Variants in XG observed in about 807,000 individuals in gnomAD.
The protein encoded by XG is Xg glycoprotein (Xg blood group), also known as glycoprotein Xg.
Under a neutral mutation model 25.7 loss-of-function variants are expected in XG, and 24 were observed. The observed-to-expected ratio is 0.93, with a 90% confidence interval of 0.68 to 1.31. The LOEUF (loss-of-function observed/expected upper bound fraction) is 1.31. Ranked by LOEUF, XG falls within the 40% of genes most tolerant of loss-of-function variation. The pLI is 0.00. For synonymous variants in XG, 77 were observed against 69.2 expected (o/e 1.11, Z -0.56); for missense variants, 181 against 187.6 (o/e 0.96, Z 0.21).
intron 5 of XG, 25 bp from the exon 6 acceptor site, chrX:2,794,510 C>T (rs2086865187): frequency 9.1e-6 from 11 of 1,206,522 alleles, no homozygotes; most frequent in Non-Finnish European, 1.2e-5. Context: ...GTCTCATGAG[C>T]AATGCCGCGT....
At chrX:2,772,846 C>G (rs781187806) in intron 2 of XG, among the ~76,000 whole-genome samples, 1 of 152,142 alleles carries the variant, frequency 6.6e-6, no homozygotes, top group Non-Finnish European at 1.5e-5. Context: ...CTACCAAGAG[C>G]CCCCCATGAA....
intron 1 of XG, among the ~76,000 whole-genome samples, chrX:2,766,431 A>T (rs765116634): frequency 1.4e-4 from 21 of 146,296 alleles, no homozygotes; most frequent in Non-Finnish European, 3.0e-4. Flanking sequence ...GAGCCACCGC[A>T]CCCGGCCTCT....
At chrX:2,765,042 A>G (rs1395112674) in intron 1 of XG, among the ~76,000 whole-genome samples, 5 of 6,642 alleles carry the variant, frequency 7.5e-4, no homozygotes, top group East Asian at 7.4e-3. Flanking sequence ...TTCTTTATCC[A>G]AAAAAAAAAA....
chrX:2,794,678 G>A, intron 6 of XG, 75 bp downstream of exon 6: 1 of 1,102,736 alleles, frequency 9.1e-7, no homozygotes, highest in Non-Finnish European at 1.2e-6. Context: ...CTGAAGTTGG[G>A]GATGAGAGAG....
chrX:2,790,930 C>A (rs2086831621), intron 5 of XG, among the ~76,000 whole-genome samples: 1 of 107,583 alleles, frequency 9.3e-6, no homozygotes, highest in African/African-American at 3.3e-5. Flanking sequence ...GTTCTACTAT[C>A]CACCAGCACC....
intron 6 of XG, among the ~76,000 whole-genome samples, chrX:2,795,815 G>A (rs1267000179): frequency 9.1e-6 from 1 of 109,863 alleles, no homozygotes; most frequent in Non-Finnish European, 1.9e-5. Flanking sequence ...CTGCCAGCAC[G>A]CCTGGCTAAC....
chrX:2,769,628 G>A (rs2050770502), intron 1 of XG, among the ~76,000 whole-genome samples: 1 of 152,152 alleles, frequency 6.6e-6, no homozygotes, highest in Non-Finnish European at 1.5e-5. Flanking sequence ...TGAGGAACAA[G>A]ATCAAGGTGT....
At chrX:2,765,257 G>C (rs311134) in intron 1 of XG, among the ~76,000 whole-genome samples, 6 of 150,152 alleles carry the variant, frequency 4.0e-5, no homozygotes, top group Non-Finnish European at 8.9e-5. Context: ...TGAGGCAGGC[G>C]GGAGAATCAA....
chrX:2,811,525 C>G, intron 10 of XG, 73 bp downstream of exon 10: 1 of 750,166 alleles, frequency 1.3e-6, no homozygotes, highest in East Asian at 3.5e-5. Context: ...TTTCAGATGT[C>G]TGTCACTAGC....
At chrX:2,768,454 C>G (rs1163212450) in intron 1 of XG, among the ~76,000 whole-genome samples, 1 of 152,162 alleles carries the variant, frequency 6.6e-6, no homozygotes, top group Non-Finnish European at 1.5e-5. Flanking sequence ...GTCTGAGCAG[C>G]TTGGACCATG....
intron 1 of XG, among the ~76,000 whole-genome samples, chrX:2,765,796 C>CATT (rs111895994): frequency 0.13 from 20,264 of 152,140 alleles, 1,448 homozygotes; most frequent in African/African-American, 0.19. Flanking sequence ...CTCGACATTG[C>CATT]ATTATTATTC....
chrX:2,794,721 C>A, intron 6 of XG, 118 bp downstream of exon 6: 3 of 840,872 alleles, frequency 3.6e-6, no homozygotes, highest in Non-Finnish European at 5.0e-6. Flanking sequence ...GACGAGCAGA[C>A]GATAAGCTGG....
intron 9 of XG, among the ~76,000 whole-genome samples, chrX:2,809,869 G>A (rs1357859203): frequency 8.9e-6 from 1 of 112,134 alleles, no homozygotes; most frequent in Non-Finnish European, 1.9e-5. Context: ...ACCAGACAGG[G>A]TACCAAGAGC....
intron 1 of XG, among the ~76,000 whole-genome samples, chrX:2,754,062 A>T (rs1234185722): frequency 6.6e-6 from 1 of 152,144 alleles, no homozygotes. Context: ...TAGTTGTATT[A>T]AATGCACTTA....
chrX:2,796,021 T>G (rs2086882383), intron 6 of XG, among the ~76,000 whole-genome samples: 1 of 105,942 alleles, frequency 9.4e-6, no homozygotes, highest in African/African-American at 3.6e-5. Flanking sequence ...CATGTACATT[T>G]TATATACATT....
chrX:2,798,369 CTTTTTTTTT>C (rs748928232), intron 7 of XG, among the ~76,000 whole-genome samples: 1 of 83,866 alleles, frequency 1.2e-5, no homozygotes, highest in African/African-American at 4.7e-5. Context: ...ACCATCTTTT[CTTTTTTTTT>C]TTTTTTTTTT....
chrX:2,752,264 T>C lies in XG; in HGVS notation c.-11T>C, dbSNP rs1236951748. The C allele has an allele frequency of 6.2e-7, 1 of 1,613,824 alleles. No homozygotes were observed. Among genetic ancestry groups the C allele is most frequent in the East Asian group, 2.2e-5 (1 of 44,888 alleles). On this transcript the variant is annotated 5_prime_UTR_variant, in exon 1 of 11. Coordinates refer to ENST00000644266, the MANE Select transcript of XG (RefSeq NM_001141919.2). ...GGAGTCCACTGAGGTTCTTGCATCC[T>C]GAAGCAAACCATGGAGAGCTGGTGG... is the stretch of plus-strand genomic sequence containing the variant.
At chrX:2,775,948 T>G in intron 3 of XG, among the ~76,000 whole-genome samples, 2 of 115,380 alleles carry the variant, frequency 1.7e-5, no homozygotes, top group African/African-American at 3.6e-5. Flanking sequence ...AGAGTGAGAT[T>G]CCGTCTCAAA....
chrX:2,755,094 C>A (rs1382700597), intron 1 of XG, among the ~76,000 whole-genome samples: 2 of 152,150 alleles, frequency 1.3e-5, no homozygotes, highest in Non-Finnish European at 2.9e-5. Flanking sequence ...AAATCAGAAT[C>A]ATCCCTCCTC....
Sources: allele counts gnomAD v4.1 joint callset (sites outside exome capture counted in the v4.1 genomes callset), GRCh38; gene constraint gnomAD v4.1.1; transcripts MANE v1.5; gene names NCBI Gene and HGNC (gene_info 2026-07-23, HGNC 2026-07-21).